Variants in SUSD6 observed in about 807,000 individuals in gnomAD.
SUSD6 encodes sushi domain containing 6, also known as sushi domain-containing protein 6.
In SUSD6, 16 loss-of-function variants were observed where a neutral mutation model predicts 28.4. The observed-to-expected ratio is 0.56, with a 90% CI of 0.38 to 0.86. The LOEUF (loss-of-function observed/expected upper bound fraction) is 0.86, where lower values mean the gene tolerates loss of function less well. Ranked by LOEUF, SUSD6 falls within the 40% of genes least tolerant of loss-of-function variation. The pLI, the probability that SUSD6 is intolerant of heterozygous loss-of-function variation, is 0.00. For missense variants in SUSD6, 341 were observed against 384.2 expected, an observed-to-expected ratio of 0.89 and a Z score of 0.94; for synonymous variants, 147 against 159.6, an observed-to-expected ratio of 0.92 and a Z score of 0.59.
intron 2 of SUSD6, among the ~76,000 whole-genome samples, chr14:69,663,743 A>G (rs1001689483): frequency 1.3e-5 from 2 of 152,116 alleles, no homozygotes; most frequent in African/African-American, 4.8e-5. Flanking sequence ...GCTGGCTGGG[A>G]TTTGTGCTCA....
intron 1 of SUSD6, among the ~76,000 whole-genome samples, chr14:69,632,243 T>C (rs551331692): frequency 6.6e-6 from 1 of 152,214 alleles, no homozygotes; most frequent in South Asian, 2.1e-4. Flanking sequence ...CTCTCCCTGG[T>C]CTAGGATGTC....
At chr14:69,695,451 T>C (rs139110381) in intron 2 of SUSD6, among the ~76,000 whole-genome samples, 19 of 152,354 alleles carry the variant, frequency 1.2e-4, no homozygotes, top group African/African-American at 4.6e-4. Context: ...CCGCCAACTT[T>C]AGACAAATTT....
At chr14:69,694,434 C>A (rs1479438138) in intron 2 of SUSD6, among the ~76,000 whole-genome samples, 6 of 152,166 alleles carry the variant, frequency 3.9e-5, no homozygotes, top group African/African-American at 1.4e-4. Flanking sequence ...AGTGTGCAAC[C>A]CCAGGCCGTG....
intron 1 of SUSD6, among the ~76,000 whole-genome samples, chr14:69,628,848 A>G (rs995113020): frequency 3.3e-5 from 5 of 151,430 alleles, no homozygotes; most frequent in Non-Finnish European, 7.4e-5. Flanking sequence ...CTGGGACTAC[A>G]GGCACATACC....
chr14:69,675,038 T>TC (rs1470035896), intron 2 of SUSD6, among the ~76,000 whole-genome samples: 2 of 151,872 alleles, frequency 1.3e-5, no homozygotes, highest in South Asian at 2.1e-4. Flanking sequence ...GTTTCTCATT[T>TC]CCCCCCCACC....
intron 2 of SUSD6, among the ~76,000 whole-genome samples, chr14:69,673,488 A>G (rs1160175419): frequency 6.6e-6 from 1 of 152,212 alleles, no homozygotes; most frequent in Non-Finnish European, 1.5e-5. Flanking sequence ...GAGTGGGTGG[A>G]GAAATCTTGA....
At chr14:69,706,709 C>G (rs933874767) in intron 4 of SUSD6, among the ~76,000 whole-genome samples, 5 of 152,172 alleles carry the variant, frequency 3.3e-5, no homozygotes, top group African/African-American at 1.2e-4. Context: ...GTCTGCCCAC[C>G]TCAGCCTCCT....
chr14:69,652,847 C>G (rs1885523833), intron 1 of SUSD6, among the ~76,000 whole-genome samples: 1 of 152,216 alleles, frequency 6.6e-6, no homozygotes, highest in African/African-American at 2.4e-5. Flanking sequence ...GAACTTTGGG[C>G]TTGTGTTGCA....
rs930990584 is a variant in SUSD6, at chr14:69,669,853, T to C, written c.121+11140T>C. Among the ~76,000 whole-genome samples the C allele has an allele frequency of 1.5e-4, 23 of 151,456 alleles. 2 individuals are homozygous for C. The highest frequency in any genetic ancestry group is 1.5e-3 in the Admixed American group (23 of 15,278). On this transcript the variant is annotated intron_variant, in intron 2 of 5. Transcript: ENST00000342745. Reference sequence around the variant, plus strand: ...TAACAAGAGCTCCTAGTCGTAGTTCTTTCTCTTGGGAGGATGTCAGACAGG... The same window carrying C: ...TAACAAGAGCTCCTAGTCGTAGTTCCTTCTCTTGGGAGGATGTCAGACAGG...
chr14:69,677,377 C>T (rs558462802), intron 2 of SUSD6, among the ~76,000 whole-genome samples: 2 of 149,132 alleles, frequency 1.3e-5, no homozygotes, highest in Non-Finnish European at 3.0e-5. Context: ...AACCCCGTCT[C>T]TACTAAAAAT....
chr14:69,650,116 T>C (rs2139608434), intron 1 of SUSD6, among the ~76,000 whole-genome samples: 1 of 152,312 alleles, frequency 6.6e-6, no homozygotes, highest in Non-Finnish European at 1.5e-5. Flanking sequence ...GGCTCACTTG[T>C]TTAACCTGTT....
intron 1 of SUSD6, among the ~76,000 whole-genome samples, chr14:69,644,953 A>T (rs917955362): frequency 6.6e-6 from 1 of 152,162 alleles, no homozygotes; most frequent in Non-Finnish European, 1.5e-5. Flanking sequence ...CGGCAGGGGC[A>T]TGGGGCTAAT....
At chr14:69,625,337 G>C (rs981181946) in intron 1 of SUSD6, among the ~76,000 whole-genome samples, 1 of 152,230 alleles carries the variant, frequency 6.6e-6, no homozygotes, top group African/African-American at 2.4e-5. Context: ...TGCTTGAAGA[G>C]AGGAGGCAGT....
At chr14:69,680,605 C>G (rs1163542712) in intron 2 of SUSD6, among the ~76,000 whole-genome samples, 1 of 152,160 alleles carries the variant, frequency 6.6e-6, no homozygotes, top group Non-Finnish European at 1.5e-5. Context: ...GCAATATAAC[C>G]CTCATCTGTA....
rs149277841 is a variant in SUSD6, at chr14:69,647,853, C to T, written c.-80-10660C>T. Among the ~76,000 whole-genome samples the T allele has an allele frequency of 1.6e-4, 25 of 152,164 alleles. No homozygotes were observed. In the East Asian group the frequency reaches 4.3e-3, roughly 26 times the overall value. On this transcript the variant is annotated intron_variant, in intron 1 of 5. Transcript: ENST00000342745. ...TACAAAAATTAGTCGGGCTTGGTGG[C>T]GCACACCTGTACTTCTAGCTAATCG...
chr14:69,707,721 TGGGC>T (rs1886405282), intron 4 of SUSD6, among the ~76,000 whole-genome samples: 1 of 152,212 alleles, frequency 6.6e-6, no homozygotes, highest in Admixed American at 6.5e-5. Context: ...CACTGCAGCC[TGGGC>T]AACAGAGTAA....
At chr14:69,672,603 AGTGGGAACACACTCTCCCCTCTGATGT>A (rs1442861785) in intron 2 of SUSD6, among the ~76,000 whole-genome samples, 3 of 152,200 alleles carry the variant, frequency 2.0e-5, no homozygotes, top group Non-Finnish European at 4.4e-5. Context: ...GGCACATGGC[AGTGGGAACACACTCTCCCCTCTGATGT>A]GTACCAGGAA....
At position 69,699,164 on chromosome 14, in the gene SUSD6, G is replaced by C. The variant is rs559319404; in HGVS notation, c.122-4231G>C. On this transcript the variant is annotated intron_variant, in intron 2 of 5. Coordinates refer to ENST00000342745, the MANE Select transcript of SUSD6 (RefSeq NM_014734.4). Reference sequence around the variant, plus strand: ...TGCTGTTGGCCAGGACTCTGCTCTTGGTCAAGAGGATCATATTTTTTCATG... The same window carrying C: ...TGCTGTTGGCCAGGACTCTGCTCTTCGTCAAGAGGATCATATTTTTTCATG... Among the ~76,000 whole-genome samples, 24 of 152,180 alleles carry C rather than the reference G, an allele frequency of 1.6e-4. No individual in the cohort carries two copies. The East Asian group carries it at 4.3e-3, about 27-fold the overall frequency.
At chr14:69,670,803 A>G (rs1039862291) in intron 2 of SUSD6, among the ~76,000 whole-genome samples, 9 of 152,094 alleles carry the variant, frequency 5.9e-5, no homozygotes, top group Non-Finnish European at 1.3e-4. Flanking sequence ...TGGAGGGAGG[A>G]GAGGAAGAGA....
Sources: gnomAD v4.1 joint callset for allele counts (sites outside exome capture counted in the v4.1 genomes callset) on GRCh38, gnomAD v4.1.1 for gene constraint, MANE v1.5 for transcripts, NCBI Gene and HGNC (gene_info 2026-07-23, HGNC 2026-07-21) for gene names.